The following PRKCQ variants were observed in gnomAD, a reference collection of about 807,000 sequenced individuals.
The protein encoded by PRKCQ is protein kinase C theta.
In PRKCQ, 41 loss-of-function variants were observed where a neutral mutation model predicts 91.2. The ratio of observed to expected loss-of-function variants is 0.45; its 90% CI spans 0.35 to 0.58. The LOEUF is 0.58. Among genes scored for constraint, PRKCQ ranks in the 20% least tolerant of loss-of-function variants. The probability of loss-of-function intolerance (pLI) is 0.00; values close to 1 mark genes in which losing one functional copy is unlikely to be tolerated. For missense variants in PRKCQ, 673 were observed against 896.5 expected, an observed-to-expected ratio of 0.75 and a Z score of 3.18; for synonymous variants, 307 against 316.9, an observed-to-expected ratio of 0.97 and a Z score of 0.33.
At chr10:6,551,055 A>T (rs1840164122) in intron 1 of PRKCQ, among the ~76,000 whole-genome samples, 1 of 152,088 alleles carries the variant, frequency 6.6e-6, no homozygotes, top group South Asian at 2.1e-4. Context: ...TTATACAGGT[A>T]AACTTGTGCC....
At chr10:6,413,825 GCA>G in the PRKCQ span, among the ~76,000 whole-genome samples, 4 of 117,490 alleles carry the variant, frequency 3.4e-5, no homozygotes, top group South Asian at 2.5e-4. Flanking sequence ...TTGTGCGCGT[GCA>G]CACACACACA....
intron 12 of PRKCQ, among the ~76,000 whole-genome samples, chr10:6,468,901 A>G (rs574498535): frequency 2.7e-4 from 41 of 152,334 alleles, no homozygotes; most frequent in African/African-American, 8.7e-4. Flanking sequence ...CAGCCGATGG[A>G]AAGAGTTGGG....
In PRKCQ at chr10:6,430,686, G is replaced by C; in HGVS notation, c.1965+124C>G. On this transcript the variant is annotated intron_variant, in intron 17 of 17. Transcript: ENST00000263125. The surrounding 1 kb of genome is among the most constrained non-coding windows in gnomAD (Gnocchi z 4.7). ...GTTAGAGACGTGCATTCCTCCTGGA[G>C]AGTGGGGCTGGTGGGGAGTTGGGGC... is the stretch of plus-strand genomic sequence containing the variant. 1 of 1,373,966 alleles carries C rather than the reference G, an allele frequency of 7.3e-7. No individual in the cohort carries two copies. The allele number at this position is 1,373,966 out of a possible 1,614,324, so 85.1% of individuals were successfully genotyped here. A position where few individuals can be genotyped will look rare whatever the true frequency, so the allele number is the denominator to read the frequency against.
chr10:6,503,385 G>C (rs111872597), intron 4 of PRKCQ, among the ~76,000 whole-genome samples: 2,398 of 152,246 alleles, frequency 0.016, 69 homozygotes, highest in African/African-American at 0.055. Context: ...GAAATAGAAA[G>C]TTGGCAGGGG....
At chr10:6,410,664 G>A in the PRKCQ span, among the ~76,000 whole-genome samples, 1 of 152,162 alleles carries the variant, frequency 6.6e-6, no homozygotes, top group African/African-American at 2.4e-5. Context: ...CTTACAATGA[G>A]TTGAGCAATT....
At chr10:6,447,790 C>T (rs750398362) in intron 15 of PRKCQ, among the ~76,000 whole-genome samples, 8 of 152,236 alleles carry the variant, frequency 5.3e-5, no homozygotes, top group Non-Finnish European at 1.0e-4. Context: ...AGAGTCCCCT[C>T]CCTGAAGGTG....
intron 1 of PRKCQ, among the ~76,000 whole-genome samples, chr10:6,517,244 A>C (rs1234540728): frequency 3.3e-5 from 5 of 152,160 alleles, no homozygotes; most frequent in Non-Finnish European, 2.9e-5. Flanking sequence ...AAGACACACA[A>C]AGTTAGTAAA....
intron 12 of PRKCQ, among the ~76,000 whole-genome samples, chr10:6,467,415 GAGAGAGAGAGAGAGAGAT>G (rs1835743654): frequency 7.5e-6 from 1 of 133,098 alleles, no homozygotes; most frequent in Non-Finnish European, 1.6e-5. Flanking sequence ...GAGAGAGAGA[GAGAGAGAGAGAGAGAGAT>G]GGTGGGGAGG....
chr10:6,531,984 G>A (rs540613316), intron 1 of PRKCQ, among the ~76,000 whole-genome samples: 14 of 152,126 alleles, frequency 9.2e-5, no homozygotes, highest in Middle Eastern at 3.4e-3. Context: ...CGCCTCCCTC[G>A]GTCCTCTTTT....
the PRKCQ span, among the ~76,000 whole-genome samples, chr10:6,401,416 T>C: frequency 6.6e-6 from 1 of 152,168 alleles, no homozygotes; most frequent in Non-Finnish European, 1.5e-5. Context: ...TTTAAGGACA[T>C]AATTAAGTAG....
chr10:6,442,618 C>T (rs1200141836), intron 15 of PRKCQ, among the ~76,000 whole-genome samples: 2 of 152,158 alleles, frequency 1.3e-5, no homozygotes, highest in Non-Finnish European at 2.9e-5. Flanking sequence ...CACTGACATG[C>T]AGAATCAAAT....
At chr10:6,496,161 A>T (rs940462062) in intron 7 of PRKCQ, among the ~76,000 whole-genome samples, 1 of 148,498 alleles carries the variant, frequency 6.7e-6, no homozygotes, top group African/African-American at 2.5e-5. Context: ...AGTTGCAGTG[A>T]ACCAAGATGA....
intron 12 of PRKCQ, among the ~76,000 whole-genome samples, chr10:6,466,918 C>A (rs1423859838): frequency 2.6e-5 from 4 of 152,140 alleles, no homozygotes; most frequent in Admixed American, 6.5e-5. Flanking sequence ...GGGTTCAAAG[C>A]CCCTCTATTT....
intron 1 of PRKCQ, among the ~76,000 whole-genome samples, chr10:6,542,519 T>G (rs971246400): frequency 6.6e-6 from 1 of 152,194 alleles, no homozygotes. Context: ...AAAACATGAA[T>G]GCAACAGCAT....
At chr10:6,416,374 T>C in the PRKCQ span, among the ~76,000 whole-genome samples, 26 of 152,146 alleles carry the variant, frequency 1.7e-4, no homozygotes, top group East Asian at 4.3e-3. Flanking sequence ...CCTCCACCCT[T>C]CCCCTTGAGT....
chr10:6,404,803 C>T, the PRKCQ span, among the ~76,000 whole-genome samples: 1 of 86,916 alleles, frequency 1.2e-5, no homozygotes, highest in Admixed American at 1.3e-4. Context: ...TTCCTTCTTT[C>T]TCTCTCTCTT....
chr10:6,498,779 A>G (rs1309621321), intron 4 of PRKCQ, among the ~76,000 whole-genome samples: 2 of 152,136 alleles, frequency 1.3e-5, no homozygotes, highest in Non-Finnish European at 2.9e-5. Flanking sequence ...TTAGAGGGTG[A>G]AAACAATGTT....
chr10:6,398,368 G>T, the PRKCQ span, among the ~76,000 whole-genome samples: 2 of 152,280 alleles, frequency 1.3e-5, no homozygotes, highest in East Asian at 3.9e-4. Context: ...AAAATAAAGG[G>T]CTGTTTGTCA....
intron 1 of PRKCQ, among the ~76,000 whole-genome samples, chr10:6,547,236 T>C (rs2130927169): frequency 6.6e-6 from 1 of 152,198 alleles, no homozygotes; most frequent in Admixed American, 6.5e-5. Flanking sequence ...TAAAAGAGGA[T>C]ACAAACAAAT....
Sources: allele counts gnomAD v4.1 joint callset (sites outside exome capture counted in the v4.1 genomes callset), GRCh38; gene constraint gnomAD v4.1.1; non-coding constraint Gnocchi (gnomAD v3.1); transcripts MANE v1.5; gene names NCBI Gene and HGNC (gene_info 2026-07-23, HGNC 2026-07-21).